Variants in NIM1K observed in about 807,000 individuals in gnomAD.
NIM1K encodes the protein NIM1 serine/threonine protein kinase, also known as serine/threonine-protein kinase NIM1.
A neutral mutation model predicts 37.1 loss-of-function variants in NIM1K; 35 were observed. The observed-to-expected ratio is 0.94, with a 90% CI of 0.72 to 1.25. The LOEUF is 1.25. NIM1K is among the 50% of genes most tolerant of loss of function. The pLI is 0.00. For missense variants in NIM1K, 564 were observed against 548.0 expected (o/e 1.03, Z -0.29); for synonymous variants, 234 against 206.6 (o/e 1.13, Z -1.14).
chr5:43,264,991 G>T (rs1179581087), intron 2 of NIM1K, among the ~76,000 whole-genome samples: 7 of 152,208 alleles, frequency 4.6e-5, no homozygotes, highest in African/African-American at 1.7e-4. Flanking sequence ...GAGATCTGCT[G>T]TTAGTCTGAT....
At chr5:43,203,382 C>A (rs926579907) in intron 1 of NIM1K, among the ~76,000 whole-genome samples, 3 of 152,204 alleles carry the variant, frequency 2.0e-5, no homozygotes, top group African/African-American at 7.2e-5. Context: ...TGCCAGTCAC[C>A]GAGTTTTGGC....
intron 2 of NIM1K, among the ~76,000 whole-genome samples, chr5:43,272,573 G>A (rs894319155): frequency 2.6e-5 from 4 of 152,104 alleles, no homozygotes; most frequent in Non-Finnish European, 2.9e-5. Flanking sequence ...AGCCCCTCAC[G>A]GTAAGGCTGA....
At chr5:43,233,021 A>T (rs998246452) in intron 1 of NIM1K, 3 of 1,225,294 alleles carry the variant, frequency 2.4e-6, no homozygotes, top group African/African-American at 1.5e-5. Context: ...TCACTGAAGA[A>T]GCTGTTGAAG....
chr5:43,244,745 G>T (rs1383871506), intron 1 of NIM1K, among the ~76,000 whole-genome samples: 3 of 152,130 alleles, frequency 2.0e-5, no homozygotes, highest in Non-Finnish European at 2.9e-5. Context: ...TAGTAATCCA[G>T]AATCTTTCAT....
chr5:43,237,915 G>A (rs1477062874), intron 1 of NIM1K, among the ~76,000 whole-genome samples: 4 of 151,978 alleles, frequency 2.6e-5, no homozygotes, highest in Non-Finnish European at 5.9e-5. Context: ...TTTATTGGGA[G>A]CATAATAGTG....
rs577950169 is a variant in NIM1K, at chr5:43,213,198, T to C, written c.-695+20787T>C. On this transcript the variant is annotated intron_variant, in intron 1 of 3. Coordinates refer to ENST00000326035, the MANE Select transcript of NIM1K (RefSeq NM_153361.4). ...CTTTCTTTCTTTCTTTCTTTCTTTC[T>C]TTCTTTCTTTCTTTCTTTCTTTCTT... is the stretch of plus-strand genomic sequence containing the variant. Among the ~76,000 whole-genome samples the C allele has an allele frequency of 5.5e-4, 30 of 54,868 alleles. 4 individuals are homozygous for C. The highest frequency in any genetic ancestry group is 1.5e-3 in the African/African-American group (25 of 16,716). The allele number at this position is 54,868 out of a possible 152,430, so 36.0% of individuals were successfully genotyped here. A position where few individuals can be genotyped will look rare whatever the true frequency, so the allele number is the denominator to read the frequency against.
At position 43,264,787 on chromosome 5, in the gene NIM1K, C is replaced by T. The variant is rs112227807; in HGVS notation, c.293-12270C>T. ...TTGTTCCTTTCCATGTTTAGTGCTT[C>T]CTTCAGGAGCTCTTGAAGGCAGGCC... is the stretch of plus-strand genomic sequence containing the variant. On this transcript the variant is annotated intron_variant, in intron 2 of 3. Coordinates refer to ENST00000326035, the MANE Select transcript of NIM1K (RefSeq NM_153361.4). Among the ~76,000 whole-genome samples, 2 of 152,138 alleles carry T rather than the reference C, an allele frequency of 1.3e-5. 1 individual carries two copies. Among genetic ancestry groups the T allele is most frequent in the East Asian group, 3.8e-4 (2 of 5,196 alleles).
intron 1 of NIM1K, among the ~76,000 whole-genome samples, chr5:43,218,198 A>G (rs1197411176): frequency 1.3e-5 from 2 of 151,436 alleles, no homozygotes; most frequent in Non-Finnish European, 2.9e-5. Flanking sequence ...TTTAGTAGAG[A>G]TAGGGTTTCA....
At chr5:43,265,716 T>A (rs190719329) in intron 2 of NIM1K, among the ~76,000 whole-genome samples, 1 of 152,250 alleles carries the variant, frequency 6.6e-6, no homozygotes, top group African/African-American at 2.4e-5. Flanking sequence ...TTCTTAGAAT[T>A]TTCAGCTTTT....
chr5:43,196,055 CTTAG>C (rs1435806937), intron 1 of NIM1K, among the ~76,000 whole-genome samples: 1 of 152,108 alleles, frequency 6.6e-6, no homozygotes, highest in Non-Finnish European at 1.5e-5. Context: ...AGCGGCAGAT[CTTAG>C]TTCATTCTGA....
chr5:43,254,019 C>T (rs1042095295), intron 2 of NIM1K, among the ~76,000 whole-genome samples: 17 of 152,050 alleles, frequency 1.1e-4, no homozygotes, highest in African/African-American at 3.1e-4. Flanking sequence ...TATTTCAGTG[C>T]GGAATGTGAA....
At position 43,245,989 on chromosome 5, in the gene NIM1K, G is replaced by A; in HGVS notation, c.214G>A (p.Gly72Ser). The change falls in exon 2 of 4, where the codon GGC becomes AGC. Residue 72 changes from glycine (G) to serine (S), a missense_variant. Transcript: ENST00000326035. ...VREITLGKRI[G>S]FYRIRGEIGS... Reference sequence around the variant, plus strand: ...GGAGATCACGCTGGGGAAACGGATAGGCTTCTACCGAATTCGAGGGGAAAT... The same window carrying A: ...GGAGATCACGCTGGGGAAACGGATAAGCTTCTACCGAATTCGAGGGGAAAT... 6.2e-7 allele frequency: 1 copy of A among 1,614,158 alleles called. No individual in the cohort carries two copies. Among genetic ancestry groups the A allele is most frequent in the Non-Finnish European group, 8.5e-7 (1 of 1,179,992 alleles).
At chr5:43,219,901 A>G (rs916095871) in intron 1 of NIM1K, among the ~76,000 whole-genome samples, 3 of 151,402 alleles carry the variant, frequency 2.0e-5, no homozygotes, top group Non-Finnish European at 4.4e-5. Context: ...TAATTTTTCT[A>G]TTTTTAATAG....
chr5:43,254,466 C>T (rs4428420), intron 2 of NIM1K, among the ~76,000 whole-genome samples: 11 of 151,982 alleles, frequency 7.2e-5, no homozygotes, highest in African/African-American at 2.7e-4. Context: ...TAGTTACAAG[C>T]TCCTTGGTGT....
At chr5:43,232,011 C>CT in intron 1 of NIM1K, 1 of 1,038,202 alleles carries the variant, frequency 9.6e-7, no homozygotes, top group East Asian at 3.6e-5. Flanking sequence ...GAGCCCAGGC[C>CT]TCAGCAATGG....
At position 43,280,163 on chromosome 5, in the gene NIM1K, G is replaced by C. The variant is rs911751195; in HGVS notation, c.745G>C (p.Gly249Arg). 2 of 1,614,126 alleles carry C rather than the reference G, an allele frequency of 1.2e-6. No homozygotes were observed. The highest frequency in any genetic ancestry group is 1.7e-6 in the Non-Finnish European group (2 of 1,180,024). ...ACTCTTCCGGGACGAGCACTACATC[G>C]GCATTTACGTGGATATCTGGGCCTT... ...PELFRDEHYI[G>R]IYVDIWALGV... Residue 249 changes from glycine (G) to arginine (R), a missense_variant, in exon 4 of 4, where the codon GGC becomes CGC. By Grantham distance (125) the Gly-to-Arg change is moderately radical (BLOSUM62 -2). Coordinates refer to ENST00000326035, the MANE Select transcript of NIM1K (RefSeq NM_153361.4).
At chr5:43,275,659 G>A (rs1410920216) in intron 2 of NIM1K, among the ~76,000 whole-genome samples, 6 of 152,182 alleles carry the variant, frequency 3.9e-5, no homozygotes, top group Non-Finnish European at 7.4e-5. Flanking sequence ...TTGGGAATGG[G>A]GCAAGAGAGG....
chr5:43,246,471 C>T (rs1752780551), intron 2 of NIM1K, among the ~76,000 whole-genome samples: 3 of 152,078 alleles, frequency 2.0e-5, no homozygotes, highest in Admixed American at 2.0e-4. Context: ...CCCAAGCCAC[C>T]TCATCTCCCA....
At chr5:43,264,299 G>A (rs1753086248) in intron 2 of NIM1K, among the ~76,000 whole-genome samples, 1 of 152,122 alleles carries the variant, frequency 6.6e-6, no homozygotes, top group Admixed American at 6.5e-5. Flanking sequence ...ATGAATCTGG[G>A]TGCTCTTTTA....
Sources: allele counts gnomAD v4.1 joint callset (sites outside exome capture counted in the v4.1 genomes callset), GRCh38; gene constraint gnomAD v4.1.1; transcripts MANE v1.5; gene names NCBI Gene and HGNC (gene_info 2026-07-23, HGNC 2026-07-21).